The following LRRC1 variants were observed in gnomAD, a reference collection of about 807,000 sequenced individuals.
The protein encoded by LRRC1 is leucine-rich repeat-containing protein 1.
Under a neutral mutation model 69.9 loss-of-function variants are expected in LRRC1, and 28 were observed. The observed-to-expected ratio is 0.40, with a 90% CI of 0.30 to 0.55. The LOEUF is 0.55. LRRC1 is among the 20% of genes least tolerant of loss of function. The pLI is 0.47. For missense variants in LRRC1, 498 were observed against 609.0 expected, an observed-to-expected ratio of 0.82 and a Z score of 1.92; for synonymous variants, 236 against 240.2, an observed-to-expected ratio of 0.98 and a Z score of 0.16.
rs142035001 is a variant in LRRC1, at chr6:53,890,761, T to G, written c.447-5737T>G. 1.4e-3 allele frequency among the ~76,000 whole-genome samples: 220 copies of G among 152,304 alleles called. 2 individuals carry two copies. The highest frequency in any genetic ancestry group is 2.2e-3 in the Non-Finnish European group (150 of 68,026). ...TGATGCTGAAAGAGTAGAAGTATTATGAATGTATAAGCAACTCCCCATTCC... is the reference window on the plus strand; with the variant it reads ...TGATGCTGAAAGAGTAGAAGTATTAGGAATGTATAAGCAACTCCCCATTCC... On this transcript the variant is annotated intron_variant, in intron 4 of 13. Transcript: ENST00000370888.
At chr6:53,796,479 A>G (rs1410811626) in intron 1 of LRRC1, among the ~76,000 whole-genome samples, 1 of 152,186 alleles carries the variant, frequency 6.6e-6, no homozygotes, top group East Asian at 1.9e-4. Context: ...GAGCTTTGGA[A>G]CGCAAACTTC....
chr6:53,859,724 GGTT>G (rs1224871022), intron 2 of LRRC1, among the ~76,000 whole-genome samples: 1 of 152,040 alleles, frequency 6.6e-6, no homozygotes, highest in African/African-American at 2.4e-5. Context: ...AGGAGGGGCA[GGTT>G]GTTGACTTTT....
intron 4 of LRRC1, among the ~76,000 whole-genome samples, chr6:53,893,557 T>C (rs1042913094): frequency 6.6e-6 from 1 of 152,178 alleles, no homozygotes; most frequent in Non-Finnish European, 1.5e-5. Context: ...ACTTTATGAG[T>C]GCCGACCATT....
chr6:53,795,050 C>T lies in LRRC1; in HGVS notation c.-207C>T, dbSNP rs903916971. On this transcript the variant is annotated 5_prime_UTR_variant, in exon 1 of 14. Transcript: ENST00000370888. ...GGGAGTGGAGGCACCGGCTGGCGGG[C>T]GGGGGTACAGGGACGGGGCAGGGGC... 7.6e-6 allele frequency: 3 copies of T among 396,410 alleles called. No homozygotes were observed. Among genetic ancestry groups the T allele is most frequent in the Admixed American group, 9.2e-5 (2 of 21,628 alleles). The allele number at this position is 396,410 out of a possible 1,614,324, so 24.6% of individuals were successfully genotyped here.
intron 1 of LRRC1, among the ~76,000 whole-genome samples, chr6:53,830,970 GTTA>G (rs1399264354): frequency 7.1e-6 from 1 of 141,514 alleles, no homozygotes; most frequent in African/African-American, 2.6e-5. Context: ...ATAATATATA[GTTA>G]TTATTGAATA....
At chr6:53,894,214 A>G (rs769867096) in intron 4 of LRRC1, among the ~76,000 whole-genome samples, 105 of 152,332 alleles carry the variant, frequency 6.9e-4, no homozygotes, top group Non-Finnish European at 1.3e-3. Context: ...TGGGCCTCAC[A>G]CAAAACCTCA....
intron 2 of LRRC1, among the ~76,000 whole-genome samples, chr6:53,851,800 TGC>T (rs566127938): frequency 6.4e-4 from 98 of 152,246 alleles, no homozygotes; most frequent in African/African-American, 2.3e-3. Context: ...GAAACTCAGA[TGC>T]CTGTCCAAAG....
At chr6:53,807,879 G>A (rs1021921277) in intron 1 of LRRC1, among the ~76,000 whole-genome samples, 25 of 152,220 alleles carry the variant, frequency 1.6e-4, no homozygotes, top group African/African-American at 5.8e-4. Context: ...ATGGAGTGGG[G>A]CAGCCATGTA....
At chr6:53,896,325 T>C (rs1767870776) in intron 4 of LRRC1, among the ~76,000 whole-genome samples, 173 bp from the exon 5 acceptor site, 1 of 152,188 alleles carries the variant, frequency 6.6e-6, no homozygotes. Flanking sequence ...GTAGAGATGG[T>C]ATTGTTTTTA....
chr6:53,836,670 T>C (rs1217603055), intron 1 of LRRC1, among the ~76,000 whole-genome samples: 1 of 152,194 alleles, frequency 6.6e-6, no homozygotes, highest in African/African-American at 2.4e-5. Context: ...AAAACACATA[T>C]ATAGAAAAGA....
intron 1 of LRRC1, 46 bp from the exon 2 acceptor site, chr6:53,842,064 G>A: frequency 8.1e-7 from 1 of 1,227,862 alleles, no homozygotes; most frequent in Non-Finnish European, 1.2e-6. Context: ...AAAAGTTTAT[G>A]ATACAAACAT....
At chr6:53,863,144 T>C (rs939366899) in intron 2 of LRRC1, among the ~76,000 whole-genome samples, 3 of 152,244 alleles carry the variant, frequency 2.0e-5, no homozygotes, top group Non-Finnish European at 4.4e-5. Context: ...CACTGCTAGT[T>C]GTTTTATTCA....
chr6:53,884,534 C>T (rs1474198602), intron 4 of LRRC1, among the ~76,000 whole-genome samples: 1 of 151,976 alleles, frequency 6.6e-6, no homozygotes, highest in Non-Finnish European at 1.5e-5. Context: ...ACAAAAAAAT[C>T]TTAAATATAG....
intron 4 of LRRC1, among the ~76,000 whole-genome samples, chr6:53,884,334 A>G (rs954327443): frequency 3.9e-5 from 6 of 151,966 alleles, no homozygotes; most frequent in South Asian, 2.1e-4. Context: ...ACGATAACCC[A>G]TCTCTACAAA....
chr6:53,872,032 T>C (rs1766902718), intron 2 of LRRC1, among the ~76,000 whole-genome samples: 1 of 152,162 alleles, frequency 6.6e-6, no homozygotes, highest in Non-Finnish European at 1.5e-5. Context: ...CCCAGACCAA[T>C]GCCATGAAGC....
chr6:53,874,548 A>C (rs1767004297), intron 2 of LRRC1, among the ~76,000 whole-genome samples: 1 of 152,168 alleles, frequency 6.6e-6, no homozygotes, highest in African/African-American at 2.4e-5. Flanking sequence ...GTTAGCATAG[A>C]TCCAAATGTT....
chr6:53,881,000 A>G (rs1278280352), intron 3 of LRRC1, among the ~76,000 whole-genome samples: 1 of 152,108 alleles, frequency 6.6e-6, no homozygotes, highest in East Asian at 1.9e-4. Context: ...GTCTGCTGAC[A>G]TTTGACTTTA....
intron 2 of LRRC1, among the ~76,000 whole-genome samples, chr6:53,876,956 G>A (rs1767091886): frequency 6.6e-6 from 1 of 152,310 alleles, no homozygotes; most frequent in African/African-American, 2.4e-5. Context: ...TAGGGATTCT[G>A]TGTGGGTGCT....
At chr6:53,829,246 A>C (rs1765363770) in intron 1 of LRRC1, among the ~76,000 whole-genome samples, 2 of 152,186 alleles carry the variant, frequency 1.3e-5, no homozygotes, top group Admixed American at 1.3e-4. Context: ...TCTGTGCTTC[A>C]GTTGGACCAT....
Sources: gnomAD v4.1 joint callset for allele counts (sites outside exome capture counted in the v4.1 genomes callset) on GRCh38, gnomAD v4.1.1 for gene constraint, MANE v1.5 for transcripts, NCBI Gene and HGNC (gene_info 2026-07-23, HGNC 2026-07-21) for gene names.